The following RBFOX1 variants were observed in gnomAD, a reference collection of about 807,000 sequenced individuals.
RBFOX1 encodes the protein RNA binding protein fox-1 homolog 1.
In RBFOX1, 8 loss-of-function variants were observed where a neutral mutation model predicts 57.7. The ratio of observed to expected loss-of-function variants is 0.14; its 90% CI spans 0.08 to 0.25. The LOEUF (loss-of-function observed/expected upper bound fraction) is 0.25, where lower values mean the gene tolerates loss of function less well. Among genes scored for constraint, RBFOX1 ranks in the 10% least tolerant of loss-of-function variants. The pLI, the probability that RBFOX1 is intolerant of heterozygous loss-of-function variation, is 1.00. For synonymous variants in RBFOX1, 326 were observed against 222.4 expected, an observed-to-expected ratio of 1.47 and a Z score of -4.15; for missense variants, 611 against 548.5, an observed-to-expected ratio of 1.11 and a Z score of -1.14.
At chr16:6,038,246 A>T (rs946351886) in intron 1 of RBFOX1, 3 of 150,008 alleles carry the variant, frequency 2.0e-5, no homozygotes, top group African/African-American at 7.3e-5. Context: ...CAGTGGTGCA[A>T]TCTTGGCCCA....
chr16:5,474,889 T>C (rs1307741942), intron 2 of RBFOX1, among the ~76,000 whole-genome samples: 3 of 152,242 alleles, frequency 2.0e-5, no homozygotes, highest in African/African-American at 7.2e-5. Flanking sequence ...ATTTATTGAC[T>C]AGCATTGGCT....
At chr16:6,445,690 C>T (rs2094470714) in intron 2 of RBFOX1, among the ~76,000 whole-genome samples, 1 of 151,080 alleles carries the variant, frequency 6.6e-6, no homozygotes, top group Non-Finnish European at 1.5e-5. Context: ...TCAAGCGATT[C>T]TCCTGCCTCA....
intron 5 of RBFOX1, among the ~76,000 whole-genome samples, chr16:7,559,667 G>A (rs890922144): frequency 1.3e-5 from 2 of 152,178 alleles, no homozygotes; most frequent in African/African-American, 2.4e-5. Flanking sequence ...AATTAAGAAT[G>A]AATTTTCATG....
At chr16:6,399,925 G>C (rs952343114) in intron 2 of RBFOX1, among the ~76,000 whole-genome samples, 2 of 152,122 alleles carry the variant, frequency 1.3e-5, no homozygotes, top group Non-Finnish European at 2.9e-5. Flanking sequence ...CCCAGATCTC[G>C]TGAGAACTCA....
intron 3 of RBFOX1, among the ~76,000 whole-genome samples, chr16:5,725,162 T>C (rs369030891): frequency 6.6e-6 from 1 of 152,324 alleles, no homozygotes; most frequent in African/African-American, 2.4e-5. Context: ...CAGAGGAGGC[T>C]AGGCTGTTGG....
rs189448151 is a variant in RBFOX1, at chr16:5,384,742, C to G, written c.220-82474C>G. ...GGGTTGGGCTTTTTGGCCCGAACAT[C>G]AAAGATATGGACTAGAGACTCTAGG... is the stretch of plus-strand genomic sequence containing the variant. On this transcript the variant is annotated intron_variant, in intron 1 of 2. Coordinates refer to the RBFOX1 transcript ENST00000585867. 3.2e-3 allele frequency among the ~76,000 whole-genome samples: 489 copies of G among 152,244 alleles called. 6 individuals are homozygous for G. Among genetic ancestry groups the G allele is most frequent in the African/African-American group, 0.011 (472 of 41,534 alleles).
At chr16:7,547,564 C>T (rs1253180392) in intron 5 of RBFOX1, among the ~76,000 whole-genome samples, 2 of 152,188 alleles carry the variant, frequency 1.3e-5, no homozygotes, top group Admixed American at 1.3e-4. Flanking sequence ...ATAATCCTTT[C>T]CATATTTTAA....
chr16:6,895,484 A>ATT (rs2066645091), intron 3 of RBFOX1, among the ~76,000 whole-genome samples: 4 of 93,334 alleles, frequency 4.3e-5, no homozygotes, highest in South Asian at 4.7e-4. Context: ...ATATATATAT[A>ATT]TATTTATTCC....
chr16:5,717,044 C>G (rs1465691393), intron 3 of RBFOX1, among the ~76,000 whole-genome samples: 1 of 152,136 alleles, frequency 6.6e-6, no homozygotes, highest in Non-Finnish European at 1.5e-5. Flanking sequence ...GTGATTTCCC[C>G]TGTATTTTCC....
intron 2 of RBFOX1, among the ~76,000 whole-genome samples, chr16:6,602,555 A>T (rs1039834749): frequency 1.3e-5 from 2 of 152,144 alleles, no homozygotes; most frequent in Non-Finnish European, 2.9e-5. Flanking sequence ...GGCCACCTGC[A>T]GGACAGGGTT....
chr16:6,779,890 T>C (rs1191906011), intron 3 of RBFOX1, among the ~76,000 whole-genome samples: 1 of 34,570 alleles, frequency 2.9e-5, no homozygotes, highest in Non-Finnish European at 4.6e-5. Flanking sequence ...TATATATATT[T>C]ATATATATTT....
intron 4 of RBFOX1, among the ~76,000 whole-genome samples, chr16:5,884,394 C>A (rs999091876): frequency 2.6e-5 from 4 of 151,972 alleles, no homozygotes; most frequent in Non-Finnish European, 5.9e-5. Context: ...TTGCCTGGTG[C>A]CTATGGTAGA....
intron 4 of RBFOX1, among the ~76,000 whole-genome samples, chr16:7,476,738 TG>T (rs1181752578): frequency 2.6e-5 from 4 of 152,308 alleles, no homozygotes; most frequent in African/African-American, 9.6e-5. Context: ...TCTGTATCCT[TG>T]CAAATCTGTA....
intron 4 of RBFOX1, among the ~76,000 whole-genome samples, chr16:7,205,820 C>T (rs1252680571): frequency 3.3e-5 from 5 of 152,246 alleles, no homozygotes; most frequent in Non-Finnish European, 5.9e-5. Flanking sequence ...AACCTTACCA[C>T]TGAGAGAACT....
intron 1 of RBFOX1, among the ~76,000 whole-genome samples, chr16:5,255,235 C>G (rs1446496853): frequency 1.3e-5 from 2 of 152,056 alleles, no homozygotes; most frequent in Non-Finnish European, 2.9e-5. Context: ...ATGACACACC[C>G]TAGGAAAATC....
chr16:6,718,397 A>T (rs1050429149), intron 3 of RBFOX1, among the ~76,000 whole-genome samples: 2 of 152,206 alleles, frequency 1.3e-5, no homozygotes, highest in African/African-American at 4.8e-5. Flanking sequence ...AAATATAATT[A>T]CAAGTTTTGA....
Position 7,519,594 on chromosome 16 carries a change from C to G in RBFOX1, c.270+1205C>G. The G allele has an allele frequency of 6.3e-6, 3 of 479,092 alleles. No homozygotes were observed. The South Asian group carries it at 2.7e-4, about 43-fold the overall frequency. The allele number at this position is 479,092 out of a possible 1,614,324, so 29.7% of individuals were successfully genotyped here. A position where few individuals can be genotyped will look rare whatever the true frequency, so the allele number is the denominator to read the frequency against. On this transcript the variant is annotated intron_variant, in intron 5 of 15. Transcript: ENST00000550418. ...TAAATAATGTTCATTTGTGTGCCAC[C>G]TAAAGTAATCATGCATACCACAAAA...
At chr16:7,157,129 A>G (rs537283350) in intron 4 of RBFOX1, among the ~76,000 whole-genome samples, 1 of 152,168 alleles carries the variant, frequency 6.6e-6, no homozygotes, top group Non-Finnish European at 1.5e-5. Context: ...AAGCAATCGT[A>G]TTCTCATTGG....
intron 11 of RBFOX1, among the ~76,000 whole-genome samples, chr16:7,636,173 C>T (rs527429963): frequency 4.6e-5 from 7 of 152,332 alleles, no homozygotes; most frequent in African/African-American, 1.7e-4. Context: ...AATACCCTTA[C>T]GTGCAACTAC....
Sources: gnomAD v4.1 joint callset for allele counts (sites outside exome capture counted in the v4.1 genomes callset) on GRCh38, gnomAD v4.1.1 for gene constraint, MANE v1.5 for transcripts, NCBI Gene and HGNC (gene_info 2026-07-23, HGNC 2026-07-21) for gene names.